Variants in PCDH15 observed in about 807,000 individuals in gnomAD.
The protein encoded by PCDH15 is protocadherin related 15, also known as protocadherin-15.
A neutral mutation model predicts 178.5 loss-of-function variants in PCDH15; 129 were observed. The observed-to-expected ratio is 0.72, with a 90% CI of 0.63 to 0.84. The LOEUF (loss-of-function observed/expected upper bound fraction) is 0.84. Ranked by LOEUF, PCDH15 falls within the 40% of genes least tolerant of loss-of-function variation. PCDH15 has a pLI of 0.00. For missense variants in PCDH15, 2,230 were observed against 2,099.9 expected, an observed-to-expected ratio of 1.06 and a Z score of -1.21; for synonymous variants, 800 against 732.0, an observed-to-expected ratio of 1.09 and a Z score of -1.50.
At chr10:54,637,291 A>G (rs2134848209) in intron 2 of PCDH15, among the ~76,000 whole-genome samples, 1 of 152,082 alleles carries the variant, frequency 6.6e-6, no homozygotes, top group East Asian at 1.9e-4. Flanking sequence ...TTAGTTTTCT[A>G]TCACTATGGT....
At position 54,286,064 on chromosome 10, in the gene PCDH15, GGA is replaced by G. The variant is rs148934195; in HGVS notation, c.876+31205_876+31206del. Among the ~76,000 whole-genome samples the G allele has an allele frequency of 8.5e-4, 129 of 152,272 alleles. No individual in the cohort carries two copies. In the East Asian group the frequency reaches 0.018, roughly 21 times the overall value. ...GAGAAGTAGAGTGAGAAGGAAAGAT[GGA>G]GAGAGACTGGTCAAAAAATTCAAAG... On this transcript the variant is annotated intron_variant, in intron 8 of 37. Transcript: ENST00000644397.
intron 2 of PCDH15, among the ~76,000 whole-genome samples, chr10:54,612,888 A>G (rs1407295442): frequency 6.6e-6 from 1 of 151,766 alleles, no homozygotes. Flanking sequence ...TGTTTTTAAT[A>G]TTTTTAAAAT....
At chr10:55,446,335 C>A (rs534405266) in intron 2 of PCDH15, among the ~76,000 whole-genome samples, 2 of 150,716 alleles carry the variant, frequency 1.3e-5, no homozygotes, top group African/African-American at 4.9e-5. Flanking sequence ...ATAAAACATT[C>A]TCAGAGAAAC....
chr10:54,551,111 C>T (rs1193801365), intron 2 of PCDH15, among the ~76,000 whole-genome samples: 1 of 116,960 alleles, frequency 8.5e-6, no homozygotes, highest in African/African-American at 3.3e-5. Flanking sequence ...GCTGAGATCA[C>T]AACACTGCAC....
At chr10:53,915,370 G>A (rs1021277084) in intron 25 of PCDH15, among the ~76,000 whole-genome samples, 1 of 152,200 alleles carries the variant, frequency 6.6e-6, no homozygotes, top group African/African-American at 2.4e-5. Flanking sequence ...TGGCTAGGCA[G>A]AAAGATAGAT....
chr10:54,854,091 T>C (rs1161955242), intron 3 of PCDH15, among the ~76,000 whole-genome samples: 2 of 152,128 alleles, frequency 1.3e-5, no homozygotes, highest in Non-Finnish European at 2.9e-5. Flanking sequence ...ACACAGTCAG[T>C]CATGAGAGCT....
chr10:54,104,114 G>C (rs1254457157), intron 15 of PCDH15, among the ~76,000 whole-genome samples: 2 of 152,124 alleles, frequency 1.3e-5, no homozygotes, highest in African/African-American at 4.8e-5. Context: ...ACTGCCTTAG[G>C]GGAGGCCATC....
intron 2 of PCDH15, among the ~76,000 whole-genome samples, chr10:55,162,747 G>C (rs1413678664): frequency 6.6e-6 from 1 of 152,108 alleles, no homozygotes; most frequent in Non-Finnish European, 1.5e-5. Context: ...TATAACCTCA[G>C]ACCAGATGTC....
chr10:54,864,700 G>A (rs959658931), intron 3 of PCDH15: 3 of 152,138 alleles, frequency 2.0e-5, no homozygotes, highest in African/African-American at 7.2e-5. Context: ...TGGGTAGGAT[G>A]CTTCCAAACT....
At chr10:53,818,381 A>C (rs2076139632) in intron 33 of PCDH15, 1 of 162,638 alleles carries the variant, frequency 6.1e-6, no homozygotes, top group Admixed American at 6.4e-5. Flanking sequence ...ATATATACTA[A>C]TCCTTAGGGG....
At chr10:53,941,795 C>T (rs2086091596) in intron 23 of PCDH15, among the ~76,000 whole-genome samples, 2 of 152,176 alleles carry the variant, frequency 1.3e-5, no homozygotes, top group Admixed American at 1.3e-4. Context: ...ATGAGAGTTG[C>T]TGTTGCCCCA....
At chr10:54,164,048 T>C (rs1009636228) in intron 13 of PCDH15, among the ~76,000 whole-genome samples, 5 of 152,170 alleles carry the variant, frequency 3.3e-5, no homozygotes, top group African/African-American at 4.8e-5. Flanking sequence ...ATCAATGCAT[T>C]GCTTTATTAA....
At chr10:54,982,604 T>A (rs1352333959) in intron 2 of PCDH15, among the ~76,000 whole-genome samples, 2 of 152,146 alleles carry the variant, frequency 1.3e-5, no homozygotes, top group African/African-American at 4.8e-5. Flanking sequence ...AGGGCTTTGA[T>A]GAGATGCTAA....
chr10:55,329,726 A>G (rs565076570), intron 2 of PCDH15, among the ~76,000 whole-genome samples: 1 of 151,914 alleles, frequency 6.6e-6, no homozygotes, highest in South Asian at 2.1e-4. Context: ...TATAATTTTG[A>G]GATGCCAACC....
At chr10:55,205,044 C>T (rs1449326026) in intron 1 of PCDH15, among the ~76,000 whole-genome samples, 1 of 151,980 alleles carries the variant, frequency 6.6e-6, no homozygotes, top group Non-Finnish European at 1.5e-5. Context: ...GTTGAATAAA[C>T]AGGCTCCTCA....
chr10:55,008,252 GA>G (rs5785107), intron 2 of PCDH15, among the ~76,000 whole-genome samples: 11 of 148,428 alleles, frequency 7.4e-5, no homozygotes, highest in African/African-American at 2.2e-4. Context: ...ATAAATCTTT[GA>G]AAAAAAAAAC....
chr10:54,943,785 TA>T (rs893205148), intron 2 of PCDH15, among the ~76,000 whole-genome samples: 5 of 151,446 alleles, frequency 3.3e-5, no homozygotes, highest in Admixed American at 2.0e-4. Context: ...TTTTTGATCT[TA>T]AAAAAAGCAC....
intron 5 of PCDH15, among the ~76,000 whole-genome samples, chr10:54,359,689 G>A (rs900088217): frequency 2.0e-5 from 3 of 151,960 alleles, no homozygotes; most frequent in Admixed American, 2.0e-4. Context: ...ATGAAACAGA[G>A]TAAACAGAGA....
At chr10:54,855,683 A>G (rs1407560599) in intron 3 of PCDH15, among the ~76,000 whole-genome samples, 1 of 152,222 alleles carries the variant, frequency 6.6e-6, no homozygotes, top group African/African-American at 2.4e-5. Context: ...TTAAAAAAGA[A>G]TTTAAAATGT....
Sources: allele counts gnomAD v4.1 joint callset (sites outside exome capture counted in the v4.1 genomes callset), GRCh38; gene constraint gnomAD v4.1.1; transcripts MANE v1.5; gene names NCBI Gene and HGNC (gene_info 2026-07-23, HGNC 2026-07-21).